The following LIPC variants were observed in gnomAD, a reference collection of about 807,000 sequenced individuals.
LIPC encodes hepatic triacylglycerol lipase.
Under a neutral mutation model 50.7 loss-of-function variants are expected in LIPC, and 44 were observed. The ratio of observed to expected loss-of-function variants is 0.87; its 90% confidence interval spans 0.68 to 1.11. LIPC has a LOEUF of 1.11. Among genes scored for constraint, LIPC ranks in the 50% most tolerant of loss-of-function variants. The pLI, the probability that LIPC is intolerant of heterozygous loss-of-function variation, is 0.00. For synonymous variants in LIPC, 271 were observed against 256.4 expected, an observed-to-expected ratio of 1.06 and a Z score of -0.54; for missense variants, 697 against 648.2, an observed-to-expected ratio of 1.08 and a Z score of -0.82.
intron 1 of LIPC, among the ~76,000 whole-genome samples, chr15:58,468,289 A>G (rs1894649285): frequency 6.6e-6 from 1 of 152,114 alleles, no homozygotes; most frequent in South Asian, 2.1e-4. Context: ...CGCCTCTCAG[A>G]GTGAACACCT....
At chr15:58,518,738 A>C (rs1892558371) in intron 1 of LIPC, among the ~76,000 whole-genome samples, 1 of 152,208 alleles carries the variant, frequency 6.6e-6, no homozygotes, top group Admixed American at 6.5e-5. Flanking sequence ...GTGTGAATCT[A>C]CTAACTCGAA....
At chr15:58,535,229 C>T (rs965495419) in intron 1 of LIPC, among the ~76,000 whole-genome samples, 2 of 152,356 alleles carry the variant, frequency 1.3e-5, no homozygotes, top group East Asian at 1.9e-4. Context: ...TCCCCCACCC[C>T]ACCATGGGGC....
At chr15:58,527,903 G>A (rs1892841052) in intron 1 of LIPC, among the ~76,000 whole-genome samples, 1 of 152,128 alleles carries the variant, frequency 6.6e-6, no homozygotes, top group African/African-American at 2.4e-5. Context: ...GCCCTAGGGA[G>A]GTTCAAGGAC....
intron 1 of LIPC, chr15:58,522,204 T>G (rs546062220): frequency 7.8e-5 from 12 of 153,392 alleles, no homozygotes; most frequent in African/African-American, 2.6e-4. Flanking sequence ...GTGACTCGCC[T>G]AAGCCTGATC....
intron 1 of LIPC, among the ~76,000 whole-genome samples, chr15:58,453,583 T>C (rs1253592447): frequency 6.6e-6 from 1 of 152,164 alleles, no homozygotes; most frequent in Non-Finnish European, 1.5e-5. Flanking sequence ...TTGGCCCCAG[T>C]TGCTGGCAAC....
chr15:58,507,125 C>A (rs28532075), intron 1 of LIPC, among the ~76,000 whole-genome samples: 4,611 of 152,132 alleles, frequency 0.03, 224 homozygotes, highest in African/African-American at 0.1. Flanking sequence ...ATGGGAACTA[C>A]AATTCAATAT....
intron 1 of LIPC, among the ~76,000 whole-genome samples, chr15:58,503,042 A>G (rs762566046): frequency 5.3e-5 from 8 of 152,118 alleles, no homozygotes; most frequent in African/African-American, 1.2e-4. Context: ...ATTATTTATA[A>G]TATGTATAGG....
chr15:58,537,674 A>T (rs1206307231), intron 1 of LIPC, among the ~76,000 whole-genome samples: 1 of 151,578 alleles, frequency 6.6e-6, no homozygotes, highest in South Asian at 2.1e-4. Flanking sequence ...ACACACACAC[A>T]CTCAATCATC....
At chr15:58,449,826 G>A (rs1223184057) in intron 1 of LIPC, among the ~76,000 whole-genome samples, 2 of 152,194 alleles carry the variant, frequency 1.3e-5, no homozygotes, top group South Asian at 2.1e-4. Flanking sequence ...AGACAGGTGT[G>A]AGCCACCATG....
intron 6 of LIPC, among the ~76,000 whole-genome samples, chr15:58,550,579 C>T (rs147960540): frequency 1.3e-5 from 2 of 152,188 alleles, no homozygotes; most frequent in African/African-American, 2.4e-5. Context: ...CTCATCCATC[C>T]GTATATTCTT....
chr15:58,516,506 T>C (rs1892494101), intron 1 of LIPC, among the ~76,000 whole-genome samples: 1 of 152,198 alleles, frequency 6.6e-6, no homozygotes, highest in South Asian at 2.1e-4. Flanking sequence ...CCTGATGTTC[T>C]GTTAATTTAT....
intron 1 of LIPC, among the ~76,000 whole-genome samples, chr15:58,473,066 C>A (rs951441743): frequency 4.6e-5 from 7 of 152,118 alleles, no homozygotes; most frequent in Non-Finnish European, 1.0e-4. Context: ...AGGGGGAGGA[C>A]GGCAGCCAGA....
chr15:58,484,395 C>G (rs1345342943), intron 1 of LIPC, among the ~76,000 whole-genome samples: 2 of 152,204 alleles, frequency 1.3e-5, no homozygotes, highest in Non-Finnish European at 2.9e-5. Flanking sequence ...TGACTAAACA[C>G]AACATCATGG....
intron 2 of LIPC, among the ~76,000 whole-genome samples, chr15:58,541,413 T>C (rs1893318649): frequency 6.7e-6 from 1 of 149,756 alleles, no homozygotes; most frequent in African/African-American, 2.5e-5. Context: ...GGACCTGATT[T>C]ACACATATTT....
chr15:58,527,680 GC>G (rs1242590097), intron 1 of LIPC, among the ~76,000 whole-genome samples: 2 of 152,178 alleles, frequency 1.3e-5, no homozygotes, highest in African/African-American at 4.8e-5. Context: ...AAGACCATGA[GC>G]TTTTTGAAAG....
At chr15:58,498,456 T>C (rs1410083159) in intron 1 of LIPC, among the ~76,000 whole-genome samples, 5 of 152,014 alleles carry the variant, frequency 3.3e-5, no homozygotes, top group Non-Finnish European at 5.9e-5. Flanking sequence ...AGGTGGGTGA[T>C]GAAAAAAGTT....
At chr15:58,458,365 G>A (rs573295617) in intron 1 of LIPC, among the ~76,000 whole-genome samples, 4 of 152,214 alleles carry the variant, frequency 2.6e-5, no homozygotes, top group Non-Finnish European at 2.9e-5. Flanking sequence ...CCCCCACCAC[G>A]TCCTTCTACC....
In LIPC at chr15:58,456,922, A is replaced by G. The variant is rs559653305; in HGVS notation, c.88+24802A>G. Among the ~76,000 whole-genome samples, 6 of 152,340 alleles carry G rather than the reference A, an allele frequency of 3.9e-5. No homozygotes were observed. In the South Asian group the frequency reaches 1.2e-3, roughly 32 times the overall value. The stretch of plus-strand genomic sequence containing the variant: ...CTCGCTCAACTCGTTTATTTTACTA[A>G]TAAGAAAATAGAAACTATGGAGGTC... On this transcript the variant is annotated intron_variant, in intron 1 of 8. Coordinates refer to ENST00000299022, the MANE Select transcript of LIPC (RefSeq NM_000236.3).
At chr15:58,541,496 G>A (rs1441375718) in intron 2 of LIPC, among the ~76,000 whole-genome samples, 2 of 151,820 alleles carry the variant, frequency 1.3e-5, no homozygotes, top group East Asian at 3.9e-4. Flanking sequence ...GAGGGGGCGG[G>A]GGGGAACGTT....
Sources: gnomAD v4.1 joint callset for allele counts (sites outside exome capture counted in the v4.1 genomes callset) on GRCh38, gnomAD v4.1.1 for gene constraint, MANE v1.5 for transcripts, NCBI Gene and HGNC (gene_info 2026-07-23, HGNC 2026-07-21) for gene names.